The following RAB23 variants were observed in gnomAD, a reference collection of about 807,000 sequenced individuals.
The protein encoded by RAB23 is RAB23, member RAS oncogene family, also known as ras-related protein Rab-23.
A neutral mutation model predicts 30.0 loss-of-function variants in RAB23; 15 were observed. The observed-to-expected ratio is 0.50, with a 90% confidence interval of 0.33 to 0.77. The LOEUF (loss-of-function observed/expected upper bound fraction) is 0.77. RAB23 is among the 30% of genes least tolerant of loss of function. The pLI is 0.02. For missense variants in RAB23, 243 were observed against 275.4 expected (o/e 0.88, Z 0.83); for synonymous variants, 93 against 94.0 (o/e 0.99, Z 0.06).
chr6:57,188,386 T>TAAA lies in RAB23; in HGVS notation c.*2072_*2074dup, dbSNP rs1463931158. On this transcript the variant is annotated 3_prime_UTR_variant, in exon 7 of 7. Coordinates refer to ENST00000468148, the MANE Select transcript of RAB23 (RefSeq NM_016277.5). The stretch of plus-strand genomic sequence containing the variant: ...TTAAAAAAAGATAAAACTAGGTACA[T>TAAA]AAAATTATATTACAGGAACTGTAAC... The TAAA allele has an allele frequency of 6.6e-6, 1 of 152,150 alleles. No homozygotes were observed. The highest frequency in any genetic ancestry group is 1.5e-5 in the Non-Finnish European group (1 of 67,996). The allele number at this position is 152,150 out of a possible 1,614,324, so 9.4% of individuals were successfully genotyped here.
intron 1 of RAB23, among the ~76,000 whole-genome samples, chr6:57,212,954 T>C (rs1176179189): frequency 2.0e-5 from 3 of 152,046 alleles, no homozygotes; most frequent in Non-Finnish European, 4.4e-5. Flanking sequence ...TACGATCAGA[T>C]GGTCTAGGGC....
At chr6:57,196,694 TG>T in intron 3 of RAB23, 88 bp from the exon 4 acceptor site, 1 of 1,520,304 alleles carries the variant, frequency 6.6e-7, no homozygotes, top group Non-Finnish European at 8.9e-7. Context: ...TCATGAAGAA[TG>T]GGGGCAACTT....
At position 57,189,922 on chromosome 6, in the gene RAB23, G is replaced by A. The variant is rs1019795302; in HGVS notation, c.*539C>T. ...CAGCTTACTCCAGTACCAGACATCT[G>A]CATGCACACCCCACATTCTACATTA... is the stretch of plus-strand genomic sequence containing the variant. On this transcript the variant is annotated 3_prime_UTR_variant, in exon 7 of 7. Coordinates refer to ENST00000468148, the MANE Select transcript of RAB23 (RefSeq NM_016277.5). 1 of 166,446 alleles carries A rather than the reference G, an allele frequency of 6.0e-6. No homozygotes were observed. The highest frequency in any genetic ancestry group is 2.4e-5 in the African/African-American group (1 of 41,496). 10.3% of individuals were successfully genotyped at this position (166,446 alleles called of 1,614,324 possible).
chr6:57,196,421 C>T (rs1290407948), intron 4 of RAB23, 29 bp downstream of exon 4: 2 of 1,612,808 alleles, frequency 1.2e-6, no homozygotes, highest in South Asian at 1.1e-5. Context: ...GAATTACTGT[C>T]CCTCCTTCCC....
intron 1 of RAB23, among the ~76,000 whole-genome samples, chr6:57,213,414 G>A (rs1037418031): frequency 6.6e-5 from 10 of 152,210 alleles, no homozygotes; most frequent in African/African-American, 2.2e-4. Flanking sequence ...ATAAAATTCT[G>A]ACCAGGATCT....
intron 1 of RAB23, among the ~76,000 whole-genome samples, chr6:57,214,513 A>C (rs1319181703): frequency 6.6e-6 from 1 of 152,160 alleles, no homozygotes; most frequent in African/African-American, 2.4e-5. Flanking sequence ...CATTTTGGCC[A>C]GGCTGGTCTC....
chr6:57,196,326 G>A, intron 4 of RAB23, 124 bp downstream of exon 4: 1 of 1,124,410 alleles, frequency 8.9e-7, no homozygotes, highest in Non-Finnish European at 1.3e-6. Context: ...AAATATTTAA[G>A]TCATTAAAGC....
In RAB23 at chr6:57,190,358, T is replaced by G. The variant is rs756249722; in HGVS notation, c.*103A>C. 24 of 1,371,852 alleles carry G rather than the reference T, an allele frequency of 1.7e-5. No homozygotes were observed. Among genetic ancestry groups the G allele is most frequent in the Non-Finnish European group, 2.5e-5 (24 of 966,440 alleles). 85.0% of individuals were successfully genotyped at this position (1,371,852 alleles called of 1,614,324 possible). A position where few individuals can be genotyped will look rare whatever the true frequency, so the allele number is the denominator to read the frequency against. On this transcript the variant is annotated 3_prime_UTR_variant, in exon 7 of 7. Transcript: ENST00000468148. ...AAGTCTGTCACTTTCAGAGAGCCAT[T>G]AGGAGCAAAGTCTGCTGAAAACCTT...
chr6:57,188,789 T>TTTTAA lies in RAB23; in HGVS notation c.*1667_*1671dup, dbSNP rs1318349128. On this transcript the variant is annotated 3_prime_UTR_variant, in exon 7 of 7. Transcript: ENST00000468148. ...ATATAATGAAAAGCAAAAATTTACT[T>TTTTAA]TTTAATTTTTTTTATTTTTCCATCT... is the stretch of plus-strand genomic sequence containing the variant. 4 of 152,192 alleles carry TTTTAA rather than the reference T, an allele frequency of 2.6e-5. No individual in the cohort carries two copies. In the East Asian group the frequency reaches 5.8e-4, roughly 22 times the overall value. 9.4% of individuals were successfully genotyped at this position (152,192 alleles called of 1,614,324 possible). A position where few individuals can be genotyped will look rare whatever the true frequency, so the allele number is the denominator to read the frequency against.
At chr6:57,214,244 C>T (rs1156745053) in intron 1 of RAB23, among the ~76,000 whole-genome samples, 1 of 152,192 alleles carries the variant, frequency 6.6e-6, no homozygotes, top group African/African-American at 2.4e-5. Flanking sequence ...CTCTTCCCAG[C>T]CAGGGTGGTA....
chr6:57,194,943 G>A (rs1346047570), intron 4 of RAB23, 91 bp from the exon 5 acceptor site: 4 of 968,886 alleles, frequency 4.1e-6, no homozygotes, highest in Non-Finnish European at 1.6e-6. Flanking sequence ...ACTGAATACA[G>A]TTTGGCAGGG....
intron 6 of RAB23, among the ~76,000 whole-genome samples, chr6:57,191,254 C>A (rs1764828206): frequency 1.3e-5 from 2 of 152,110 alleles, no homozygotes; most frequent in Non-Finnish European, 1.5e-5. Flanking sequence ...TCACCCCTTG[C>A]CAGTTTTCCC....
At chr6:57,202,478 C>T (rs1765305260) in intron 3 of RAB23, among the ~76,000 whole-genome samples, 2 of 152,158 alleles carry the variant, frequency 1.3e-5, no homozygotes, top group Admixed American at 6.5e-5. Context: ...AAGCTCAGGA[C>T]ATCTGAACCA....
In RAB23 at chr6:57,222,111, C is replaced by G. The variant is rs1243918310; in HGVS notation, c.-451G>C. 6.6e-6 allele frequency: 1 copy of G among 152,336 alleles called. No homozygotes were observed. The highest frequency in any genetic ancestry group is 1.5e-5 in the Non-Finnish European group (1 of 68,126). 9.4% of individuals were successfully genotyped at this position (152,336 alleles called of 1,614,324 possible). ...CGCTGCCGCCGCTGTCTCCTCCCGACGCGCCAGCTCTCCCTGCGGGGCCGA... is the reference window on the plus strand; with the variant it reads ...CGCTGCCGCCGCTGTCTCCTCCCGAGGCGCCAGCTCTCCCTGCGGGGCCGA... On this transcript the variant is annotated 5_prime_UTR_variant, in exon 1 of 7. Transcript: ENST00000468148.
chr6:57,204,477 C>T (rs1765383241), intron 3 of RAB23, among the ~76,000 whole-genome samples: 1 of 152,098 alleles, frequency 6.6e-6, no homozygotes, highest in Admixed American at 6.5e-5. Flanking sequence ...TTCATTAAAC[C>T]TGTATCTTTC....
chr6:57,194,745 T>G, intron 5 of RAB23, 25 bp downstream of exon 5: 1 of 1,527,560 alleles, frequency 6.5e-7, no homozygotes, highest in Non-Finnish European at 9.1e-7. Context: ...CTTTTTGCAA[T>G]CTATATCCTT....
chr6:57,198,903 A>C (rs1765130796), intron 3 of RAB23, among the ~76,000 whole-genome samples: 1 of 152,224 alleles, frequency 6.6e-6, no homozygotes, highest in Admixed American at 6.5e-5. Flanking sequence ...AAGAATGATT[A>C]AGAAAAGCTC....
rs1766070480 is a variant in RAB23, at chr6:57,221,780, TG to T, written c.-121del. 1 of 152,230 alleles carries T rather than the reference TG, an allele frequency of 6.6e-6. No individual in the cohort carries two copies. The highest frequency in any genetic ancestry group is 2.4e-5 in the African/African-American group (1 of 41,434). The allele number at this position is 152,230 out of a possible 1,614,324, so 9.4% of individuals were successfully genotyped here. On this transcript the variant is annotated 5_prime_UTR_variant, in exon 1 of 7. Transcript: ENST00000468148. ...GGCGCTGCCGCCCACCTTCTCTAGC[TG>T]GAACTTGGGATCGGTGCTCAGGGAG...
chr6:57,196,369 A>T lies in RAB23; in HGVS notation c.398+81T>A, dbSNP rs184917169. On this transcript the variant is annotated intron_variant, in intron 4 of 6. Transcript: ENST00000468148. ...ATGAAAGTATAGAATTTTTCCTAGA[A>T]CCTGTAAAACTATGCAAAAATTAAG... The T allele has an allele frequency of 6.1e-5, 93 of 1,524,386 alleles. No homozygotes were observed. In the African/African-American group the frequency reaches 1.0e-3, roughly 17 times the overall value. 94.4% of individuals were successfully genotyped at this position (1,524,386 alleles called of 1,614,324 possible). A position where few individuals can be genotyped will look rare whatever the true frequency, so the allele number is the denominator to read the frequency against.
Sources: gnomAD v4.1 joint callset for allele counts (sites outside exome capture counted in the v4.1 genomes callset) on GRCh38, gnomAD v4.1.1 for gene constraint, MANE v1.5 for transcripts, NCBI Gene and HGNC (gene_info 2026-07-23, HGNC 2026-07-21) for gene names.